The following CIDEA variants were observed in gnomAD, a reference collection of about 807,000 sequenced individuals.
CIDEA encodes the protein cell death inducing DFFA like effector a.
CIDEA carries 10 observed loss-of-function variants against 18.2 expected under a neutral mutation model. That is an observed-to-expected ratio of 0.55 (90% CI 0.34 to 0.93). The LOEUF (loss-of-function observed/expected upper bound fraction) is 0.93, where lower values mean the gene tolerates loss of function less well. CIDEA is among the 40% of genes least tolerant of loss of function. The pLI is 0.02. For missense variants in CIDEA, 309 were observed against 293.1 expected (o/e 1.05, Z -0.40); for synonymous variants, 128 against 124.8 (o/e 1.03, Z -0.17).
chr18:12,254,589 T>C (rs1911964185), intron 1 of CIDEA, 168 bp downstream of exon 1: 3 of 698,646 alleles, frequency 4.3e-6, no homozygotes, highest in South Asian at 4.0e-5. Flanking sequence ...TCCGCCCCAC[T>C]GGTGCCCAAG....
chr18:12,259,722 A>G (rs1035254101), intron 1 of CIDEA, among the ~76,000 whole-genome samples: 5 of 152,140 alleles, frequency 3.3e-5, no homozygotes, highest in Non-Finnish European at 1.5e-5. Context: ...TTAGCCAGGC[A>G]TGGTAGCGGG....
At position 12,265,307 on chromosome 18, in the gene CIDEA, T is replaced by C. The variant is rs553780073; in HGVS notation, c.330+854T>C. On this transcript the variant is annotated intron_variant, in intron 3 of 4. Coordinates refer to ENST00000320477, the MANE Select transcript of CIDEA (RefSeq NM_001279.4). The stretch of plus-strand genomic sequence containing the variant: ...TAAACTGATCTCCAAGAAAGAGAAA[T>C]CCTCAGTGGTTAAAATGTTGAGGCC... Among the ~76,000 whole-genome samples the C allele has an allele frequency of 2.6e-5, 4 of 152,308 alleles. No homozygotes were observed. The South Asian group carries it at 8.3e-4, about 32-fold the overall frequency.
intron 3 of CIDEA, among the ~76,000 whole-genome samples, chr18:12,268,678 A>C (rs995433995): frequency 6.6e-6 from 1 of 152,172 alleles, no homozygotes; most frequent in Non-Finnish European, 1.5e-5. Flanking sequence ...CTGGGATTAC[A>C]GGCGTGAGCC....
intron 1 of CIDEA, among the ~76,000 whole-genome samples, chr18:12,261,679 T>A (rs1189309998): frequency 5.3e-5 from 8 of 152,048 alleles, no homozygotes; most frequent in African/African-American, 1.9e-4. Context: ...GCTCAAGCAA[T>A]CCTCTCATCT....
intron 3 of CIDEA, among the ~76,000 whole-genome samples, chr18:12,271,733 G>C (rs35460481): frequency 0.19 from 29,625 of 152,044 alleles, 3,146 homozygotes; most frequent in Admixed American, 0.25. Context: ...TTTCGGCTGC[G>C]CAACCACCTC....
chr18:12,256,997 G>T (rs1338466721), intron 1 of CIDEA, among the ~76,000 whole-genome samples: 2 of 152,172 alleles, frequency 1.3e-5, no homozygotes, highest in African/African-American at 4.8e-5. Context: ...CCCTAGGGGA[G>T]CCGGGCAGCA....
chr18:12,267,479 C>T (rs367640499), intron 3 of CIDEA, among the ~76,000 whole-genome samples: 29 of 152,340 alleles, frequency 1.9e-4, no homozygotes, highest in South Asian at 1.7e-3. Flanking sequence ...ATACAGTAAA[C>T]AACGCATCCT....
intron 3 of CIDEA, among the ~76,000 whole-genome samples, chr18:12,270,505 G>A (rs377300859): frequency 4.6e-5 from 7 of 151,868 alleles, no homozygotes; most frequent in African/African-American, 1.5e-4. Context: ...CCTGGCCCAC[G>A]GGGTGAAACC....
chr18:12,270,233 G>T (rs1429547962), intron 3 of CIDEA, among the ~76,000 whole-genome samples: 1 of 152,116 alleles, frequency 6.6e-6, no homozygotes, highest in East Asian at 1.9e-4. Context: ...GTCTCTAAGG[G>T]ATGGCAGTGT....
At chr18:12,273,031 A>C (rs1380129617) in intron 3 of CIDEA, among the ~76,000 whole-genome samples, 1 of 151,366 alleles carries the variant, frequency 6.6e-6, no homozygotes, top group African/African-American at 2.4e-5. Flanking sequence ...GAGAGCTTTT[A>C]GTTGACAGAT....
Position 12,254,387 on chromosome 18 carries a change from G to C in CIDEA, c.4G>C (p.Glu2Gln). The C allele has an allele frequency of 1.3e-6, 2 of 1,540,992 alleles. No homozygotes were observed. The highest frequency in any genetic ancestry group is 1.7e-6 in the Non-Finnish European group (2 of 1,144,452). The change falls in exon 1 of 5, where the codon GAG becomes CAG. Residue 2 changes from glutamate to glutamine, a missense_variant. Coordinates refer to ENST00000320477, the MANE Select transcript of CIDEA (RefSeq NM_001279.4). ...GGCCCGCTAGGGGATCCGCGCCATG[G>C]AGGCCGCCCGGGACTATGCAGGAGC... The part of the protein sequence containing the change: M[E>Q]AARDYAGALI...
intron 1 of CIDEA, among the ~76,000 whole-genome samples, chr18:12,260,267 T>A (rs536977515): frequency 1.4e-4 from 22 of 152,230 alleles, no homozygotes; most frequent in African/African-American, 4.8e-4. Context: ...GGCCCCAATC[T>A]AGGGCTCGAG....
chr18:12,268,424 T>C (rs778979046), intron 3 of CIDEA, among the ~76,000 whole-genome samples: 3 of 148,628 alleles, frequency 2.0e-5, no homozygotes, highest in Non-Finnish European at 4.5e-5. Flanking sequence ...TTGGAGACAG[T>C]CTTGCTCTGT....
chr18:12,277,031 T>C (rs1157956198), intron 4 of CIDEA, 92 bp from the exon 5 acceptor site: 1 of 1,448,362 alleles, frequency 6.9e-7, no homozygotes. Context: ...TCCGAGTGCC[T>C]TTTGGTGGGG....
intron 3 of CIDEA, among the ~76,000 whole-genome samples, chr18:12,269,274 A>G (rs1912446613): frequency 6.6e-6 from 1 of 152,170 alleles, no homozygotes; most frequent in South Asian, 2.1e-4. Context: ...CTGTTGTAAC[A>G]TATTGTTTTG....
At chr18:12,255,502 A>G (rs7506427) in intron 1 of CIDEA, among the ~76,000 whole-genome samples, 1,644 of 152,322 alleles carry the variant, frequency 0.011, 39 homozygotes, top group African/African-American at 0.038. Flanking sequence ...GGACGCTGAG[A>G]AACACCTGCT....
At chr18:12,272,238 AGCCTCACTCTGTC>A (rs1184381961) in intron 3 of CIDEA, among the ~76,000 whole-genome samples, 6 of 145,402 alleles carry the variant, frequency 4.1e-5, no homozygotes, top group Non-Finnish European at 7.4e-5. Context: ...TTTGAGATGG[AGCCTCACTCTGTC>A]GCCCAGGCTG....
At chr18:12,254,567 C>CGCACACACCCATCCGT in intron 1 of CIDEA, 146 bp downstream of exon 1, 1 of 1,528,848 alleles carries the variant, frequency 6.5e-7, no homozygotes, top group African/African-American at 1.4e-5. Flanking sequence ...CGCGACCCCG[C>CGCACACACCCATCCGT]GCACACACCC....
At chr18:12,268,481 C>T (rs1212519294) in intron 3 of CIDEA, among the ~76,000 whole-genome samples, 4 of 151,094 alleles carry the variant, frequency 2.6e-5, no homozygotes, top group African/African-American at 4.9e-5. Context: ...ACTGCTACCT[C>T]GACCTCCTGG....
Sources: allele counts gnomAD v4.1 joint callset (sites outside exome capture counted in the v4.1 genomes callset), GRCh38; gene constraint gnomAD v4.1.1; transcripts MANE v1.5; gene names NCBI Gene and HGNC (gene_info 2026-07-23, HGNC 2026-07-21).